EPB41: variants seen among roughly 807,000 people sequenced by gnomAD.
EPB41 encodes the protein erythrocyte membrane protein band 4.1.
EPB41 carries 65 observed loss-of-function variants against 108.0 expected under a neutral mutation model. That is an observed-to-expected ratio of 0.60 (90% CI 0.49 to 0.74). EPB41 has a LOEUF of 0.74. Among genes scored for constraint, EPB41 ranks in the 30% least tolerant of loss-of-function variants. The probability of loss-of-function intolerance (pLI) is 0.00; values close to 1 mark genes in which losing one functional copy is unlikely to be tolerated. For missense variants in EPB41, 875 were observed against 1,037.0 expected, an observed-to-expected ratio of 0.84 and a Z score of 2.15; for synonymous variants, 336 against 358.9, an observed-to-expected ratio of 0.94 and a Z score of 0.72.
At chr1:28,900,280 A>ACTT (rs150249321) in intron 1 of EPB41, among the ~76,000 whole-genome samples, 2 of 149,306 alleles carry the variant, frequency 1.3e-5, no homozygotes, top group Admixed American at 6.7e-5. Flanking sequence ...GGGATCATTT[A>ACTT]CTTCTTCTTC....
At chr1:29,052,249 CT>C (rs1448252766) in intron 11 of EPB41, among the ~76,000 whole-genome samples, 12 of 152,276 alleles carry the variant, frequency 7.9e-5, no homozygotes, top group Non-Finnish European at 1.6e-4. Flanking sequence ...TAACTTCAGC[CT>C]CTATGCACTG....
At chr1:28,982,722 A>AT (rs2095787515) in intron 1 of EPB41, 1 of 522,684 alleles carries the variant, frequency 1.9e-6, no homozygotes, top group Non-Finnish European at 3.5e-6. Context: ...TATATAAGCT[A>AT]TTTTTTTATG....
intron 7 of EPB41, among the ~76,000 whole-genome samples, chr1:29,023,239 C>T (rs1224534705): frequency 6.6e-6 from 1 of 151,686 alleles, no homozygotes; most frequent in Non-Finnish European, 1.5e-5. Context: ...AGGTGATCTG[C>T]CTGCCTTGGC....
At chr1:29,039,774 G>A (rs767080543) in intron 11 of EPB41, among the ~76,000 whole-genome samples, 14 of 152,088 alleles carry the variant, frequency 9.2e-5, no homozygotes, top group Middle Eastern at 6.8e-3. Flanking sequence ...AGATCATGCC[G>A]TTGCACTCCA....
chr1:29,002,797 C>T (rs1423365263), intron 4 of EPB41, among the ~76,000 whole-genome samples: 3 of 152,102 alleles, frequency 2.0e-5, no homozygotes, highest in Admixed American at 6.5e-5. Flanking sequence ...TAAGCAATGG[C>T]AGAACAGTGG....
intron 11 of EPB41, among the ~76,000 whole-genome samples, chr1:29,052,052 A>AT (rs1412021788): frequency 1.3e-5 from 2 of 152,236 alleles, no homozygotes; most frequent in African/African-American, 4.8e-5. Flanking sequence ...AAGAATGAAC[A>AT]TAAAAACCAT....
intron 1 of EPB41, among the ~76,000 whole-genome samples, chr1:28,891,907 G>A (rs1411608131): frequency 1.3e-5 from 2 of 151,996 alleles, no homozygotes; most frequent in Non-Finnish European, 2.9e-5. Context: ...GGCTAACACG[G>A]TGAAACCCCG....
chr1:29,014,665 G>A (rs1280775236), intron 5 of EPB41, among the ~76,000 whole-genome samples: 1 of 152,064 alleles, frequency 6.6e-6, no homozygotes, highest in East Asian at 1.9e-4. Flanking sequence ...TCCTGGACTC[G>A]GGAGAGCCTC....
chr1:28,944,528 G>A (rs1054607810), intron 1 of EPB41, among the ~76,000 whole-genome samples: 13 of 135,318 alleles, frequency 9.6e-5, no homozygotes, highest in Non-Finnish European at 1.5e-4. Context: ...AAAACTCTCA[G>A]ATCTGGTTTT....
At chr1:29,031,030 C>T (rs2096783039) in intron 8 of EPB41, among the ~76,000 whole-genome samples, 1 of 152,024 alleles carries the variant, frequency 6.6e-6, no homozygotes, top group Admixed American at 6.5e-5. Flanking sequence ...ACCGTGGTCT[C>T]GATCTCCTGA....
rs150347145 is a variant in EPB41 at position 29,046,542 on chromosome 1, C to T, written c.1637-6562C>T. 3.8e-3 allele frequency among the ~76,000 whole-genome samples: 581 copies of T among 152,250 alleles called. 6 individuals are homozygous for T. Among genetic ancestry groups the T allele is most frequent in the African/African-American group, 0.013 (539 of 41,546 alleles). On this transcript the variant is annotated intron_variant, in intron 11 of 20. Transcript: ENST00000343067. ...TTGTTGTATGTCTTCCTTTCCATCTCGCATTTTTAATTTCTTTAATTGCTT... is the reference window on the plus strand; with the variant it reads ...TTGTTGTATGTCTTCCTTTCCATCTTGCATTTTTAATTTCTTTAATTGCTT...
chr1:29,106,732 C>G (rs1347861840), intron 17 of EPB41, among the ~76,000 whole-genome samples: 3 of 150,954 alleles, frequency 2.0e-5, no homozygotes, highest in Admixed American at 1.3e-4. Context: ...TGCCACCACA[C>G]CTGGCTAATT....
intron 11 of EPB41, among the ~76,000 whole-genome samples, chr1:29,043,444 C>G (rs970852147): frequency 2.6e-5 from 4 of 152,214 alleles, no homozygotes; most frequent in Admixed American, 6.5e-5. Context: ...GGAAATCTTT[C>G]ATTTTGTGAT....
At chr1:28,896,308 G>A (rs2090653209) in intron 1 of EPB41, among the ~76,000 whole-genome samples, 1 of 152,208 alleles carries the variant, frequency 6.6e-6, no homozygotes, top group African/African-American at 2.4e-5. Flanking sequence ...ACCAGGTCTG[G>A]GAGGGAACTT....
At chr1:28,892,093 C>CAAAAAAAAAA (rs748788169) in intron 1 of EPB41, among the ~76,000 whole-genome samples, 2 of 69,792 alleles carry the variant, frequency 2.9e-5, no homozygotes, top group African/African-American at 6.0e-5. Context: ...GACTGCATCT[C>CAAAAAAAAAA]AAAAAAAAAA....
intron 1 of EPB41, chr1:28,982,496 T>C: frequency 4.6e-6 from 4 of 860,240 alleles, no homozygotes; most frequent in Non-Finnish European, 2.0e-6. Flanking sequence ...AGAGCATGGC[T>C]GTAGGGGCAA....
chr1:29,065,116 C>T lies in EPB41; in HGVS notation c.2142C>T (p.Phe714=). 6.2e-7 allele frequency: 1 copy of T among 1,612,736 alleles called. No individual in the cohort carries two copies. Among genetic ancestry groups the T allele is most frequent in the Non-Finnish European group, 8.5e-7 (1 of 1,178,954 alleles). The part of the protein sequence containing the change: ...WDKRLSTHSP[F]RTLNINGQIP... ...AACGCTTATCCACTCACTCACCCTT[C>T]CGAACTCTTAACATCAATGGGCAAA... The change falls in exon 16 of 21, where the codon TTC becomes TTT. Residue 714 remains phenylalanine, a synonymous_variant. Coordinates refer to ENST00000343067, the MANE Select transcript of EPB41 (RefSeq NM_001376013.1).
At chr1:29,079,734 C>A (rs2151229204) in intron 16 of EPB41, among the ~76,000 whole-genome samples, 1 of 152,274 alleles carries the variant, frequency 6.6e-6, no homozygotes, top group East Asian at 1.9e-4. Context: ...GTGGCTCACA[C>A]CTGTAATCCC....
At chr1:29,064,913 G>A (rs1030572624) in intron 15 of EPB41, 69 bp from the exon 16 acceptor site, 9 of 1,602,442 alleles carry the variant, frequency 5.6e-6, no homozygotes, top group Non-Finnish European at 6.8e-6. Context: ...AGTCTCTGAC[G>A]GGTTGCCCTT....
Sources: gnomAD v4.1 joint callset for allele counts (sites outside exome capture counted in the v4.1 genomes callset) on GRCh38, gnomAD v4.1.1 for gene constraint, MANE v1.5 for transcripts, NCBI Gene and HGNC (gene_info 2026-07-23, HGNC 2026-07-21) for gene names.